Variants in CCDC171 observed in about 807,000 individuals in gnomAD.
CCDC171 encodes coiled-coil domain-containing protein 171.
Under a neutral mutation model 168.2 loss-of-function variants are expected in CCDC171, and 177 were observed. The observed-to-expected ratio is 1.05, with a 90% CI of 0.93 to 1.19. The LOEUF (loss-of-function observed/expected upper bound fraction) is 1.19. Among genes scored for constraint, CCDC171 ranks in the 50% most tolerant of loss-of-function variants. CCDC171 has a pLI of 0.00. For missense variants in CCDC171, 1,991 were observed against 1,539.0 expected (o/e 1.29, Z -4.91); for synonymous variants, 687 against 540.8 (o/e 1.27, Z -3.75).
chr9:15,796,778 G>A (rs547407005), intron 21 of CCDC171, among the ~76,000 whole-genome samples: 21 of 152,292 alleles, frequency 1.4e-4, no homozygotes, highest in African/African-American at 3.6e-4. Flanking sequence ...GGGGAGGAGC[G>A]TTGGCAGGGT....
At chr9:15,816,705 A>G (rs530515859) in intron 21 of CCDC171, among the ~76,000 whole-genome samples, 1 of 118,580 alleles carries the variant, frequency 8.4e-6, no homozygotes, top group East Asian at 2.1e-4. Context: ...AATGGATCAG[A>G]TGTGAATGTC....
intron 24 of CCDC171, among the ~76,000 whole-genome samples, chr9:15,916,597 C>G (rs1012681903): frequency 6.6e-6 from 1 of 151,878 alleles, no homozygotes; most frequent in African/African-American, 2.4e-5. Flanking sequence ...TCCCATTGTT[C>G]CTGATGTTCA....
chr9:15,898,751 G>A (rs777856855), intron 24 of CCDC171, among the ~76,000 whole-genome samples: 1 of 152,022 alleles, frequency 6.6e-6, no homozygotes, highest in Non-Finnish European at 1.5e-5. Flanking sequence ...ATAGCACAGG[G>A]AGGTCCCTGT....
At chr9:16,092,061 A>G in the CCDC171 span, among the ~76,000 whole-genome samples, 1 of 152,290 alleles carries the variant, frequency 6.6e-6, no homozygotes, top group Non-Finnish European at 1.5e-5. Context: ...CCAATTTTTA[A>G]AAATAGATTC....
At chr9:15,605,525 A>C (rs980804210) in intron 6 of CCDC171, among the ~76,000 whole-genome samples, 10 of 150,022 alleles carry the variant, frequency 6.7e-5, no homozygotes, top group South Asian at 2.1e-4. Context: ...TAAAAAAAAA[A>C]AAAAAAAAAA....
At chr9:15,773,662 G>A (rs2057132896) in intron 18 of CCDC171, among the ~76,000 whole-genome samples, 1 of 151,596 alleles carries the variant, frequency 6.6e-6, no homozygotes, top group Admixed American at 6.6e-5. Context: ...TCTTATTTCT[G>A]TATTATTATA....
intron 24 of CCDC171, among the ~76,000 whole-genome samples, chr9:15,902,044 T>G (rs567843243): frequency 3.3e-5 from 5 of 152,140 alleles, no homozygotes; most frequent in African/African-American, 1.2e-4. Context: ...AACTTTTCTT[T>G]GATGGCAAGT....
chr9:15,616,641 A>C (rs1345580441), intron 6 of CCDC171, among the ~76,000 whole-genome samples: 2 of 152,158 alleles, frequency 1.3e-5, no homozygotes, highest in Non-Finnish European at 2.9e-5. Context: ...ATGTATTTGT[A>C]ATTTAAGAAG....
intron 10 of CCDC171, among the ~76,000 whole-genome samples, chr9:15,681,071 T>C (rs575309179): frequency 6.8e-4 from 104 of 152,248 alleles, no homozygotes; most frequent in African/African-American, 2.1e-3. Flanking sequence ...CTAAAACATT[T>C]ACAGAGTGAT....
chr9:15,904,394 A>C (rs1217872266), intron 24 of CCDC171, among the ~76,000 whole-genome samples: 2 of 152,168 alleles, frequency 1.3e-5, no homozygotes, highest in Non-Finnish European at 2.9e-5. Context: ...AAGAATTTTC[A>C]ACCCAGAATT....
intron 11 of CCDC171, 74 bp downstream of exon 11, chr9:15,695,411 A>T: frequency 9.3e-7 from 1 of 1,069,644 alleles, no homozygotes; most frequent in Non-Finnish European, 1.5e-6. Context: ...AATTCTGCAG[A>T]TGCCTCTTGT....
intron 13 of CCDC171, among the ~76,000 whole-genome samples, chr9:15,724,436 GA>G (rs1231779389): frequency 3.3e-5 from 5 of 152,028 alleles, no homozygotes; most frequent in Admixed American, 2.0e-4. Flanking sequence ...TTAAATGTAA[GA>G]TATTTATTTT....
chr9:15,904,681 T>C (rs986165301), intron 24 of CCDC171, among the ~76,000 whole-genome samples: 5 of 152,124 alleles, frequency 3.3e-5, no homozygotes, highest in Non-Finnish European at 7.3e-5. Flanking sequence ...ATATTAACCT[T>C]AAATGTAAAT....
At chr9:15,804,032 C>G (rs1009215070) in intron 21 of CCDC171, among the ~76,000 whole-genome samples, 1 of 151,896 alleles carries the variant, frequency 6.6e-6, no homozygotes, top group Non-Finnish European at 1.5e-5. Flanking sequence ...TGGCTCTCTA[C>G]TTGCCTGTTG....
chr9:16,108,143 A>G, the CCDC171 span, among the ~76,000 whole-genome samples: 24 of 152,336 alleles, frequency 1.6e-4, no homozygotes, highest in East Asian at 3.7e-3. Context: ...TTGCTTCAGA[A>G]TCAGTAAATA....
chr9:15,861,048 T>C (rs1267998445), intron 23 of CCDC171, among the ~76,000 whole-genome samples: 1 of 35,488 alleles, frequency 2.8e-5, no homozygotes, highest in African/African-American at 1.2e-4. Context: ...CTGACAGTTT[T>C]TGGCTTCTAA....
chr9:16,017,789 A>G (rs1032924192), intron 3 of CCDC171, among the ~76,000 whole-genome samples: 1 of 152,232 alleles, frequency 6.6e-6, no homozygotes, highest in Non-Finnish European at 1.5e-5. Flanking sequence ...CTAGCTTACA[A>G]ATATTTATTT....
rs1185434267 is a variant in CCDC171, at chr9:15,820,426, A to C, written c.3268-26276A>C. Among the ~76,000 whole-genome samples, 3 of 115,578 alleles carry C rather than the reference A, an allele frequency of 2.6e-5. No homozygotes were observed. The South Asian group carries it at 8.5e-4, about 33-fold the overall frequency. The allele number at this position is 115,578 out of a possible 152,430, so 75.8% of individuals were successfully genotyped here. The stretch of plus-strand genomic sequence containing the variant: ...AGCTGGTTTTTTGAAAAGATCAACA[A>C]AATTGATAGACCACTAGCAAGACTA... On this transcript the variant is annotated intron_variant, in intron 21 of 25. Coordinates refer to ENST00000380701, the MANE Select transcript of CCDC171 (RefSeq NM_173550.4).
intron 1 of CCDC171, among the ~76,000 whole-genome samples, chr9:16,050,783 G>A (rs1833738928): frequency 6.6e-6 from 1 of 152,180 alleles, no homozygotes; most frequent in Non-Finnish European, 1.5e-5. Flanking sequence ...CACAAGATCT[G>A]GGCTCTTGAG....
Sources: allele counts gnomAD v4.1 joint callset (sites outside exome capture counted in the v4.1 genomes callset), GRCh38; gene constraint gnomAD v4.1.1; transcripts MANE v1.5; gene names NCBI Gene and HGNC (gene_info 2026-07-23, HGNC 2026-07-21).